The following SOD2 variants were observed in gnomAD, a reference collection of about 807,000 sequenced individuals.
SOD2 encodes the protein superoxide dismutase 2, also known as superoxide dismutase [Mn], mitochondrial.
Under a neutral mutation model 27.0 loss-of-function variants are expected in SOD2, and 11 were observed. The observed-to-expected ratio is 0.41, with a 90% CI of 0.26 to 0.67. The LOEUF (loss-of-function observed/expected upper bound fraction) is 0.67, where lower values mean the gene tolerates loss of function less well. SOD2 is among the 30% of genes least tolerant of loss of function. SOD2 has a pLI of 0.34. For missense variants in SOD2, 250 were observed against 274.5 expected (o/e 0.91, Z 0.63); for synonymous variants, 105 against 103.0 (o/e 1.02, Z -0.12).
upstream of SOD2, among the ~76,000 whole-genome samples, chr6:159,697,079 A>ACACACACACACG (rs1491257731): frequency 3.9e-4 from 58 of 149,620 alleles, no homozygotes; most frequent in African/African-American, 1.4e-3. Flanking sequence ...ACACACACAC[A>ACACACACACACG]CGCAGTCAGC....
intron 2 of SOD2, among the ~76,000 whole-genome samples, chr6:159,688,966 G>A (rs1780320123): frequency 1.3e-5 from 2 of 152,188 alleles, no homozygotes; most frequent in South Asian, 4.1e-4. Context: ...TTGGGACAGA[G>A]GACCAGTATT....
At chr6:159,754,444 A>T (rs1779930641) in intron 1 of SOD2, among the ~76,000 whole-genome samples, 1 of 152,186 alleles carries the variant, frequency 6.6e-6, no homozygotes, top group South Asian at 2.1e-4. Context: ...CCATAGGTAA[A>T]CGTGAGTCAA....
intron 1 of SOD2, among the ~76,000 whole-genome samples, chr6:159,718,464 A>C (rs545735220): frequency 2.6e-5 from 4 of 152,298 alleles, no homozygotes; most frequent in African/African-American, 9.6e-5. Flanking sequence ...AAAAATTATG[A>C]TAACAATCTA....
upstream of SOD2, among the ~76,000 whole-genome samples, chr6:159,745,437 C>CT (rs34144985): frequency 0.028 from 4,110 of 145,184 alleles, 177 homozygotes; most frequent in African/African-American, 0.087. Flanking sequence ...CCTTTTCCAG[C>CT]TTTTTTTTTT....
intron 1 of SOD2, among the ~76,000 whole-genome samples, chr6:159,751,901 A>G (rs138633187): frequency 2.4e-4 from 36 of 152,182 alleles, no homozygotes; most frequent in Non-Finnish European, 4.1e-4. Context: ...ATCTCTACTA[A>G]AAATCCAAAA....
At chr6:159,755,710 G>C in intron 1 of SOD2, 1 of 1,246,268 alleles carries the variant, frequency 8.0e-7, no homozygotes, top group East Asian at 3.1e-5. Context: ...CCTTTTTGTG[G>C]GTGTACGTTT....
chr6:159,762,004 G>A (rs1039335926), exon 1 of SOD2: 3 of 1,529,842 alleles, frequency 2.0e-6, no homozygotes, highest in Non-Finnish European at 1.8e-6. Flanking sequence ...CTCAGGTCCC[G>A]CCCGCGGCAG....
chr6:159,738,332 G>A (rs1020512435), intron 1 of SOD2, among the ~76,000 whole-genome samples: 2 of 152,114 alleles, frequency 1.3e-5, no homozygotes, highest in African/African-American at 4.8e-5. Context: ...TAATCATGTA[G>A]TATGCATCTT....
intron 1 of SOD2, among the ~76,000 whole-genome samples, chr6:159,737,451 T>G (rs1778990372): frequency 6.6e-6 from 1 of 152,180 alleles, no homozygotes; most frequent in Non-Finnish European, 1.5e-5. Flanking sequence ...GGAAAAAAAT[T>G]TAAGTGTCTT....
In SOD2 at chr6:159,685,019, C is replaced by T; in HGVS notation, c.358G>A (p.Ala120Thr). 1 of 1,598,874 alleles carries T rather than the reference C, an allele frequency of 6.3e-7. No individual in the cohort carries two copies. The highest frequency in any genetic ancestry group is 8.5e-7 in the Non-Finnish European group (1 of 1,174,322). Reference protein sequence around the residue: ...GGEPKGELLEAIKRDFGSFDK... With the variant: ...GGEPKGELLETIKRDFGSFDK... ...AAGGAACCAAAGTCACGTTTGATGG[C>T]TTCCAGCAACTCCCCTATTAAAAAA... Residue 120 changes from alanine (A) to threonine (T), a missense_variant, in exon 4 of 5, where the codon GCC becomes ACC. Ala to Thr is a moderately conservative substitution (Grantham distance 58, BLOSUM62 0). Transcript: ENST00000538183.
At chr6:159,748,745 T>C (rs2114947346), upstream of SOD2, 1 of 1,236,644 alleles carries the variant, frequency 8.1e-7, no homozygotes, top group Non-Finnish European at 1.0e-6. This position sits in a 1 kb window ranked among gnomAD's most constrained non-coding sequence, Gnocchi z 5.6. Flanking sequence ...TCAGACAGTT[T>C]GAAGGAATGA....
At chr6:159,731,141 A>C (rs974678360), upstream of SOD2, among the ~76,000 whole-genome samples, 2 of 151,296 alleles carry the variant, frequency 1.3e-5, no homozygotes, top group East Asian at 3.9e-4. Flanking sequence ...ACTACGTCTC[A>C]AAAAAAAGAA....
chr6:159,692,374 G>A (rs747666376), intron 2 of SOD2: 73 of 1,309,016 alleles, frequency 5.6e-5, no homozygotes, highest in Admixed American at 3.1e-4. Flanking sequence ...ATTCACCAGT[G>A]CTGGCAATAT....
intron 1 of SOD2, chr6:159,713,799 C>T (rs1468059400): frequency 3.0e-6 from 3 of 1,013,568 alleles, no homozygotes; most frequent in Non-Finnish European, 4.7e-6. Flanking sequence ...TTCGCTTCAT[C>T]TGCAGATTCA....
At chr6:159,718,488 T>A (rs562813644) in intron 1 of SOD2, among the ~76,000 whole-genome samples, 70 of 152,152 alleles carry the variant, frequency 4.6e-4, no homozygotes, top group African/African-American at 6.0e-4. Context: ...AATTATTTTT[T>A]AAAAAAAACT....
At chr6:159,713,393 T>C (rs1302893967) in intron 1 of SOD2, 1 of 654,654 alleles carries the variant, frequency 1.5e-6, no homozygotes, top group East Asian at 2.6e-5. Flanking sequence ...TGCACAGCCA[T>C]GAGCTTCTGA....
intron 1 of SOD2, among the ~76,000 whole-genome samples, chr6:159,717,810 G>A (rs1777948483): frequency 1.3e-5 from 2 of 151,808 alleles, no homozygotes; most frequent in Admixed American, 1.3e-4. Context: ...AGAACATGCA[G>A]TACTTCTCTT....
chr6:159,707,056 T>C (rs1426433385), intron 1 of SOD2, among the ~76,000 whole-genome samples: 1 of 151,946 alleles, frequency 6.6e-6, no homozygotes, highest in East Asian at 1.9e-4. Context: ...AATAAAGATG[T>C]TCTTTGAAAC....
intron 1 of SOD2, chr6:159,727,040 G>A: frequency 1.6e-6 from 2 of 1,226,386 alleles, no homozygotes; most frequent in Non-Finnish European, 2.1e-6. Flanking sequence ...GGTGGCCCCG[G>A]CGAGTACTTC....
Sources: allele counts gnomAD v4.1 joint callset (sites outside exome capture counted in the v4.1 genomes callset), GRCh38; gene constraint gnomAD v4.1.1; non-coding constraint Gnocchi (gnomAD v3.1); transcripts MANE v1.5; gene names NCBI Gene and HGNC (gene_info 2026-07-23, HGNC 2026-07-21).